OR51B5: variants seen among roughly 807,000 people sequenced by gnomAD.
OR51B5 encodes olfactory receptor family 51 subfamily B member 5.
For missense variants in OR51B5, 456 were observed against 374.6 expected, an observed-to-expected ratio of 1.22 and a Z score of -1.79; for synonymous variants, 186 against 144.8, an observed-to-expected ratio of 1.28 and a Z score of -2.04.
At chr11:5,395,029 G>A (rs146806127) in intron 1 of OR51B5, among the ~76,000 whole-genome samples, 1,571 of 152,326 alleles carry the variant, frequency 0.01, 16 homozygotes, top group Non-Finnish European at 0.016. Context: ...CAGCTGGGGA[G>A]AGAAGACAGT....
intron 1 of OR51B5, among the ~76,000 whole-genome samples, chr11:5,484,002 A>C (rs187111457): frequency 6.6e-6 from 1 of 152,212 alleles, no homozygotes; most frequent in East Asian, 1.9e-4. Context: ...GCATCCAGAC[A>C]CACACCTCCT....
At chr11:5,499,842 C>G (rs980637911) in intron 1 of OR51B5, among the ~76,000 whole-genome samples, 1 of 152,202 alleles carries the variant, frequency 6.6e-6, no homozygotes, top group African/African-American at 2.4e-5. Flanking sequence ...CCACTGCCAA[C>G]TTAACAGCCA....
chr11:5,451,598 C>A (rs1396745556), intron 1 of OR51B5, among the ~76,000 whole-genome samples: 1 of 152,140 alleles, frequency 6.6e-6, no homozygotes, highest in Non-Finnish European at 1.5e-5. Context: ...TTATGTATTG[C>A]TGGGGATATT....
intron 1 of OR51B5, chr11:5,455,989 A>G (rs970990907): frequency 3.9e-5 from 6 of 152,236 alleles, no homozygotes; most frequent in Non-Finnish European, 8.8e-5. Flanking sequence ...AATTTAAATA[A>G]TAACTTTTCT....
intron 1 of OR51B5, among the ~76,000 whole-genome samples, chr11:5,413,720 A>G (rs369227243): frequency 6.6e-6 from 1 of 152,308 alleles, no homozygotes; most frequent in East Asian, 1.9e-4. Context: ...AAGCAAGAAG[A>G]GAAGTTTAGA....
chr11:5,359,565 A>T (rs9705078), intron 1 of OR51B5, among the ~76,000 whole-genome samples: 66,160 of 122,354 alleles, frequency 0.54, 19,233 homozygotes, highest in South Asian at 0.67. Context: ...ATGGCCATAC[A>T]GCCCAAGGTA....
chr11:5,467,617 G>A (rs1851156276), intron 1 of OR51B5, among the ~76,000 whole-genome samples: 1 of 152,102 alleles, frequency 6.6e-6, no homozygotes, highest in Non-Finnish European at 1.5e-5. Flanking sequence ...TGTCTTCTTG[G>A]CATGGTTTTT....
chr11:5,489,498 C>A, intron 1 of OR51B5: 2 of 1,614,078 alleles, frequency 1.2e-6, no homozygotes, highest in Non-Finnish European at 1.7e-6. Flanking sequence ...CCTTCCTCAC[C>A]CACCGCTTTG....
intron 1 of OR51B5, chr11:5,385,431 C>T (rs890858211): frequency 6.6e-6 from 1 of 152,162 alleles, no homozygotes. Flanking sequence ...GACAACAGAA[C>T]CCCAGGCACA....
upstream of OR51B5, chr11:5,346,745 C>T (rs1034969606): frequency 5.3e-5 from 7 of 132,632 alleles, no homozygotes; most frequent in Middle Eastern, 3.7e-3. Context: ...ACTTCTTCTC[C>T]GTATCTTTCT....
chr11:5,356,393 G>C (rs1203180007), intron 1 of OR51B5, among the ~76,000 whole-genome samples: 1 of 151,520 alleles, frequency 6.6e-6, no homozygotes, highest in Non-Finnish European at 1.5e-5. Flanking sequence ...AAGATCAAAT[G>C]AATGAAATGA....
At chr11:5,369,056 G>T (rs1849413920) in intron 1 of OR51B5, among the ~76,000 whole-genome samples, 1 of 152,160 alleles carries the variant, frequency 6.6e-6, no homozygotes. Context: ...CAAGATGAGT[G>T]CCTTTGAAGC....
intron 1 of OR51B5, among the ~76,000 whole-genome samples, chr11:5,407,712 G>C (rs1850079775): frequency 1.3e-5 from 2 of 150,440 alleles, no homozygotes; most frequent in African/African-American, 2.5e-5. Flanking sequence ...GTTTATTCTG[G>C]AGTTATAAAC....
rs35162553 is a variant in OR51B5, at chr11:5,420,531, AT to A, written n.85-73622del. Among the ~76,000 whole-genome samples the A allele has an allele frequency of 5.7e-4, 86 of 151,898 alleles. 1 individual carries two copies. The highest frequency in any genetic ancestry group is 4.6e-3 in the Admixed American group (70 of 15,266). On this transcript the variant is annotated intron_variant and non_coding_transcript_variant, in intron 1 of 4. Transcript: ENST00000415970. ...TATTTAAGATAGTAATCTCTTCCAT[AT>A]TTTTATAAATATTTTTGAAATGTTT...
At chr11:5,407,818 AATTT>A (rs1168881824) in intron 1 of OR51B5, among the ~76,000 whole-genome samples, 25 of 152,172 alleles carry the variant, frequency 1.6e-4, no homozygotes, top group Non-Finnish European at 2.9e-4. Flanking sequence ...ATAAGCAAAT[AATTT>A]ATTTTTAATT....
chr11:5,412,623 C>G (rs1489705714), intron 1 of OR51B5, among the ~76,000 whole-genome samples: 1 of 152,224 alleles, frequency 6.6e-6, no homozygotes, highest in Non-Finnish European at 1.5e-5. Context: ...TAAAAAACTG[C>G]CCACCAGGAG....
At chr11:5,378,516 G>A (rs1489918256) in intron 1 of OR51B5, among the ~76,000 whole-genome samples, 4 of 152,070 alleles carry the variant, frequency 2.6e-5, no homozygotes, top group African/African-American at 9.7e-5. Flanking sequence ...CCATCAGAGT[G>A]AACAGGCAAC....
At chr11:5,378,139 C>T (rs1339799854) in intron 1 of OR51B5, among the ~76,000 whole-genome samples, 1 of 151,496 alleles carries the variant, frequency 6.6e-6, no homozygotes, top group African/African-American at 2.4e-5. Flanking sequence ...CAGAACAGAG[C>T]CCTCAGAAAT....
chr11:5,493,507 A>C (rs552766544), intron 1 of OR51B5, among the ~76,000 whole-genome samples: 42 of 152,330 alleles, frequency 2.8e-4, no homozygotes, highest in African/African-American at 9.1e-4. Context: ...ATGAGAAATC[A>C]TAAGAAGGTA....
Sources: allele counts gnomAD v4.1 joint callset (sites outside exome capture counted in the v4.1 genomes callset), GRCh38; gene constraint gnomAD v4.1.1; transcripts MANE v1.5; gene names NCBI Gene and HGNC (gene_info 2026-07-23, HGNC 2026-07-21).